Variants in COL4A6 observed in about 807,000 individuals in gnomAD.
COL4A6 encodes the protein collagen alpha-6(IV) chain.
In COL4A6, 59 loss-of-function variants were observed where a neutral mutation model predicts 126.7. The observed-to-expected ratio is 0.47, with a 90% CI of 0.38 to 0.58. COL4A6 has a LOEUF of 0.58. Among genes scored for constraint, COL4A6 ranks in the 20% least tolerant of loss-of-function variants. The pLI is 0.00. For missense variants in COL4A6, 1,285 were observed against 1,337.3 expected (o/e 0.96, Z 0.61); for synonymous variants, 547 against 496.6 (o/e 1.10, Z -1.35).
At chrX:108,349,961 G>A (rs1185467570) in intron 2 of COL4A6, among the ~76,000 whole-genome samples, 2 of 111,738 alleles carry the variant, frequency 1.8e-5, no homozygotes, top group African/African-American at 6.5e-5. Flanking sequence ...TTTTACAGAT[G>A]TGGACACTGG....
At chrX:108,363,071 G>C (rs756582046) in intron 2 of COL4A6, among the ~76,000 whole-genome samples, 1 of 112,314 alleles carries the variant, frequency 8.9e-6, no homozygotes, top group Admixed American at 9.5e-5. Flanking sequence ...AACAAGGATG[G>C]AACTGCTAAA....
intron 39 of COL4A6, 61 bp downstream of exon 39, chrX:108,164,816 G>A: frequency 8.5e-7 from 1 of 1,182,381 alleles, no homozygotes; most frequent in Non-Finnish European, 1.1e-6. Flanking sequence ...TCACAGGACT[G>A]CAGGAAGGAG....
chrX:108,322,567 A>G (rs755056133), intron 2 of COL4A6, among the ~76,000 whole-genome samples: 1 of 112,308 alleles, frequency 8.9e-6, no homozygotes, highest in African/African-American at 3.2e-5. Context: ...CTGAGGGGAT[A>G]TAGTACTACC....
intron 3 of COL4A6, among the ~76,000 whole-genome samples, chrX:108,271,840 A>G (rs2037460096): frequency 8.9e-6 from 1 of 112,096 alleles, no homozygotes; most frequent in Admixed American, 9.4e-5. Flanking sequence ...CTATATTTAC[A>G]CCATGTTTCT....
chrX:108,429,176 A>C (rs899737263), intron 2 of COL4A6, among the ~76,000 whole-genome samples: 1 of 112,483 alleles, frequency 8.9e-6, no homozygotes, highest in Non-Finnish European at 1.9e-5. Context: ...TTACATTTAC[A>C]TGAAATTCTA....
chrX:108,163,560 C>A (rs1029123269), intron 40 of COL4A6: 1 of 113,458 alleles, frequency 8.8e-6, no homozygotes, highest in Non-Finnish European at 1.9e-5. Flanking sequence ...GTCCTGGTAG[C>A]TCTGGGGATA....
chrX:108,242,199 T>C (rs2036591836), intron 3 of COL4A6, among the ~76,000 whole-genome samples: 1 of 111,119 alleles, frequency 9.0e-6, no homozygotes, highest in Non-Finnish European at 1.9e-5. Context: ...TAATCACATT[T>C]AATAAAATGC....
chrX:108,182,244 CTG>C (rs1321188338), intron 23 of COL4A6, among the ~76,000 whole-genome samples: 2 of 112,655 alleles, frequency 1.8e-5, no homozygotes, highest in Non-Finnish European at 3.7e-5. Flanking sequence ...TTACATGAAA[CTG>C]TGCACTTAGC....
intron 8 of COL4A6, among the ~76,000 whole-genome samples, chrX:108,208,378 A>C (rs1156987636): frequency 8.9e-6 from 1 of 112,352 alleles, no homozygotes; most frequent in Non-Finnish European, 1.9e-5. Context: ...CAACAGCTGA[A>C]TACATATTCT....
chrX:108,287,083 A>G (rs2038026816), intron 3 of COL4A6, among the ~76,000 whole-genome samples: 1 of 111,828 alleles, frequency 8.9e-6, no homozygotes, highest in South Asian at 3.8e-4. Flanking sequence ...AACTACCTAC[A>G]TGGACTCTTA....
At chrX:108,394,202 G>A (rs75289803) in intron 2 of COL4A6, among the ~76,000 whole-genome samples, 2 of 110,887 alleles carry the variant, frequency 1.8e-5, no homozygotes, top group South Asian at 3.9e-4. Flanking sequence ...GCATGTTCTC[G>A]CTGATAAGCG....
At chrX:108,396,692 G>C (rs1306081916) in intron 2 of COL4A6, among the ~76,000 whole-genome samples, 2 of 111,704 alleles carry the variant, frequency 1.8e-5, no homozygotes, top group African/African-American at 3.3e-5. Context: ...CGCAAGTCAT[G>C]ATGCACCTAA....
chrX:108,411,652 A>T lies in COL4A6; in HGVS notation c.63+26290T>A, dbSNP rs951892964. Among the ~76,000 whole-genome samples the T allele has an allele frequency of 1.7e-4, 19 of 111,900 alleles. No individual in the cohort carries two copies. In the Admixed American group the frequency reaches 1.7e-3, roughly 10 times the overall value. Reference sequence around the variant, plus strand: ...AAACAGAGGGTTAGATGAGGGTACTAGGTCATTTATTAATTTAATGTATTG... The same window carrying T: ...AAACAGAGGGTTAGATGAGGGTACTTGGTCATTTATTAATTTAATGTATTG... On this transcript the variant is annotated intron_variant, in intron 2 of 44. Coordinates refer to ENST00000334504, the MANE Select transcript of COL4A6 (RefSeq NM_033641.4).
chrX:108,330,348 T>C (rs1486778899), intron 2 of COL4A6, among the ~76,000 whole-genome samples: 1 of 111,645 alleles, frequency 9.0e-6, no homozygotes, highest in Non-Finnish European at 1.9e-5. Context: ...AAAATATTCA[T>C]GTGCTGTCAT....
At chrX:108,199,616 CTGAGTTTGAAATGGTACTGCAATT>C (rs1164372158) in intron 13 of COL4A6, among the ~76,000 whole-genome samples, 1 of 111,769 alleles carries the variant, frequency 8.9e-6, no homozygotes, top group African/African-American at 3.3e-5. Flanking sequence ...ACTGGAAATA[CTGAGTTTGAAATGGTACTGCAATT>C]TATCACCGTG....
At position 108,395,904 on chromosome X, in the gene COL4A6, C is replaced by T. The variant is rs932405641; in HGVS notation, c.63+42038G>A. On this transcript the variant is annotated intron_variant, in intron 2 of 44. Coordinates refer to ENST00000334504, the MANE Select transcript of COL4A6 (RefSeq NM_033641.4). Reference sequence around the variant, plus strand: ...AAGCATGATTTTTGTTCTTCATATACCTCATTTAAACATGGCTGATCCAGG... The same window carrying T: ...AAGCATGATTTTTGTTCTTCATATATCTCATTTAAACATGGCTGATCCAGG... 9.9e-5 allele frequency among the ~76,000 whole-genome samples: 11 copies of T among 111,485 alleles called. No homozygotes were observed. The South Asian group carries it at 3.0e-3, about 31-fold the overall frequency.
At chrX:108,208,008 T>G (rs59343276) in intron 8 of COL4A6, among the ~76,000 whole-genome samples, 5,468 of 111,732 alleles carry the variant, frequency 0.049, 190 homozygotes, top group African/African-American at 0.11. Flanking sequence ...ACAAAAAATT[T>G]TTTAAAAAAG....
intron 4 of COL4A6, 184 bp downstream of exon 4, chrX:108,221,056 C>T: frequency 1.8e-6 from 1 of 558,892 alleles, no homozygotes; most frequent in South Asian, 2.3e-5. Flanking sequence ...CGAGATCACG[C>T]CATTGTACTC....
At chrX:108,176,778 G>A in intron 28 of COL4A6, 63 bp downstream of exon 28, 1 of 1,087,413 alleles carries the variant, frequency 9.2e-7, no homozygotes, top group Non-Finnish European at 1.2e-6. Flanking sequence ...GAAGGAGCAA[G>A]CTGCGCAGCT....
Sources: gnomAD v4.1 joint callset for allele counts (sites outside exome capture counted in the v4.1 genomes callset) on GRCh38, gnomAD v4.1.1 for gene constraint, MANE v1.5 for transcripts, NCBI Gene and HGNC (gene_info 2026-07-23, HGNC 2026-07-21) for gene names.